Variants in PDE4D observed in about 807,000 individuals in gnomAD.
PDE4D encodes the protein 3',5'-cyclic-AMP phosphodiesterase 4D.
PDE4D carries 24 observed loss-of-function variants against 87.4 expected under a neutral mutation model. That is an observed-to-expected ratio of 0.27 (90% CI 0.20 to 0.39). The LOEUF is 0.39. Ranked by LOEUF, PDE4D falls within the 10% of genes least tolerant of loss-of-function variation. The probability of loss-of-function intolerance (pLI) is 1.00; values close to 1 mark genes in which losing one functional copy is unlikely to be tolerated. For missense variants in PDE4D, 714 were observed against 1,041.0 expected, an observed-to-expected ratio of 0.69 and a Z score of 4.32; for synonymous variants, 384 against 383.2, an observed-to-expected ratio of 1.00 and a Z score of -0.02.
At chr5:59,620,845 A>G (rs1478493642) in intron 1 of PDE4D, among the ~76,000 whole-genome samples, 1 of 152,194 alleles carries the variant, frequency 6.6e-6, no homozygotes, top group African/African-American at 2.4e-5. Context: ...CAAAGTATTG[A>G]GATGAAGAGA....
At chr5:60,499,877 T>A (rs3857232) in intron 1 of PDE4D, among the ~76,000 whole-genome samples, 22,748 of 152,190 alleles carry the variant, frequency 0.15, 1,964 homozygotes, top group African/African-American at 0.23. Context: ...CTGTTAGCCC[T>A]CTTGGCTTCA....
intron 1 of PDE4D, among the ~76,000 whole-genome samples, chr5:59,685,975 A>T (rs527989845): frequency 6.6e-6 from 1 of 152,258 alleles, no homozygotes; most frequent in African/African-American, 2.4e-5. Flanking sequence ...CATTAGTGAC[A>T]TTCATCGCAG....
At chr5:60,307,826 C>A (rs16877886) in intron 1 of PDE4D, among the ~76,000 whole-genome samples, 9,182 of 152,106 alleles carry the variant, frequency 0.06, 916 homozygotes, top group African/African-American at 0.21. Context: ...TAGAGAGTGA[C>A]AGCCTATAGT....
chr5:59,763,807 A>C (rs1342355053), intron 1 of PDE4D, among the ~76,000 whole-genome samples: 1 of 152,200 alleles, frequency 6.6e-6, no homozygotes, highest in African/African-American at 2.4e-5. Flanking sequence ...AGATTAGTGA[A>C]AAGCAGAGAC....
At chr5:59,058,275 A>G (rs1055621174) in intron 5 of PDE4D, among the ~76,000 whole-genome samples, 1 of 152,150 alleles carries the variant, frequency 6.6e-6, no homozygotes, top group African/African-American at 2.4e-5. Flanking sequence ...TACAAACTTC[A>G]TGCTCTGAGA....
At chr5:60,099,017 T>C (rs1222428220) in intron 2 of PDE4D, among the ~76,000 whole-genome samples, 7 of 152,044 alleles carry the variant, frequency 4.6e-5, no homozygotes, top group Admixed American at 3.9e-4. Context: ...AGCTTTCTTT[T>C]CTCTGGGAAT....
At position 60,063,142 on chromosome 5, in the gene PDE4D, GA is replaced by G. The variant is rs1771651103; in HGVS notation, c.43-74426del. On this transcript the variant is annotated intron_variant, in intron 2 of 16. Coordinates refer to the PDE4D transcript ENST00000502484. Reference sequence around the variant, plus strand: ...AGAAAGAAAGAAAGAAAGAAAGAAAGAAAGAAAGAAAGAAGGAAAGAAAGAA... The same window carrying G: ...AGAAAGAAAGAAAGAAAGAAAGAAAGAAGAAAGAAAGAAGGAAAGAAAGAA... Among the ~76,000 whole-genome samples the G allele has an allele frequency of 1.4e-5, 2 of 145,294 alleles. 1 individual carries two copies. Among genetic ancestry groups the G allele is most frequent in the African/African-American group, 5.1e-5 (2 of 38,976 alleles).
intron 1 of PDE4D, among the ~76,000 whole-genome samples, chr5:59,841,538 C>T (rs552242172): frequency 8.5e-5 from 13 of 152,052 alleles, no homozygotes; most frequent in Non-Finnish European, 1.9e-4. Context: ...TAAATGCCTA[C>T]TGTGTTCCAG....
chr5:59,215,544 AATAC>A (rs1243500476), intron 2 of PDE4D: 6 of 414,594 alleles, frequency 1.4e-5, no homozygotes, highest in Non-Finnish European at 2.5e-5. Flanking sequence ...TGGGAAAATA[AATAC>A]ATGCGTGTGT....
chr5:60,509,025 G>A (rs903304374), intron 1 of PDE4D, among the ~76,000 whole-genome samples: 1 of 151,932 alleles, frequency 6.6e-6, no homozygotes. Context: ...TCAGCCTCCC[G>A]AGTAGCTAGG....
rs150970455 is a variant in PDE4D, at chr5:59,209,749, C to A, written c.647+6028G>T. Among the ~76,000 whole-genome samples the A allele has an allele frequency of 1.7e-3, 260 of 152,212 alleles. 2 individuals are homozygous for A. Among genetic ancestry groups the A allele is most frequent in the African/African-American group, 6.0e-3 (250 of 41,538 alleles). On this transcript the variant is annotated intron_variant, in intron 2 of 14. Coordinates refer to ENST00000340635, the MANE Select transcript of PDE4D (RefSeq NM_001104631.2). ...ATTGCCTCCCTTATTTTTTGTTGCA[C>A]ATTGATTTCTGCTCAGCACTTCATT...
chr5:59,712,126 G>A (rs1302694031), intron 1 of PDE4D, among the ~76,000 whole-genome samples: 4 of 151,566 alleles, frequency 2.6e-5, no homozygotes, highest in Non-Finnish European at 4.4e-5. Context: ...TTTTCTACTC[G>A]TTTTAGAGTA....
In PDE4D at chr5:59,038,803, G is replaced by A. The variant is rs543071225; in HGVS notation, c.921+56C>T. On this transcript the variant is annotated intron_variant, in intron 6 of 14. Transcript: ENST00000340635. ...CCGGGGCTATGGGTACCAGTGGCTC[G>A]CCGGCATGGGAATCAGCAGCCTGGG... 525 of 1,395,758 alleles carry A rather than the reference G, an allele frequency of 3.8e-4. 3 individuals carry two copies. In the African/African-American group the frequency reaches 6.7e-3, roughly 18 times the overall value. The allele number at this position is 1,395,758 out of a possible 1,614,324, so 86.5% of individuals were successfully genotyped here. A position where few individuals can be genotyped will look rare whatever the true frequency, so the allele number is the denominator to read the frequency against.
intron 1 of PDE4D, among the ~76,000 whole-genome samples, chr5:59,851,560 C>T (rs915288278): frequency 1.3e-5 from 2 of 151,906 alleles, no homozygotes; most frequent in Non-Finnish European, 2.9e-5. Flanking sequence ...GATACCACTC[C>T]TTTGATTCTG....
chr5:60,223,933 G>A (rs1744787722), intron 1 of PDE4D, among the ~76,000 whole-genome samples: 1 of 152,190 alleles, frequency 6.6e-6, no homozygotes, highest in East Asian at 1.9e-4. Context: ...CCAGTGAAAT[G>A]AAGGTTCCTC....
chr5:59,475,263 A>G (rs974219942), intron 1 of PDE4D, among the ~76,000 whole-genome samples: 5 of 152,092 alleles, frequency 3.3e-5, no homozygotes, highest in Non-Finnish European at 5.9e-5. Context: ...GCCAGTGGCT[A>G]AATTATGTGT....
At chr5:59,202,380 G>A (rs879482361) in intron 2 of PDE4D, among the ~76,000 whole-genome samples, 144 of 152,092 alleles carry the variant, frequency 9.5e-4, no homozygotes, top group Non-Finnish European at 1.8e-3. Flanking sequence ...ATTTTAAAGA[G>A]ATGTGGGGTC....
rs1279634985 is a variant in PDE4D at position 58,991,845 on chromosome 5, T to C, written c.1175A>G (p.Asp392Gly). 1.3e-6 allele frequency: 2 copies of C among 1,499,466 alleles called. No individual in the cohort carries two copies. The highest frequency in any genetic ancestry group is 2.8e-5 in the African/African-American group (2 of 70,214). The allele number at this position is 1,499,466 out of a possible 1,614,324, so 92.9% of individuals were successfully genotyped here. ...AAATCATCATACCTTGGCAAGGACA[T>C]CTTCTTGTTCAGTTTTAACTCCAAA... ...PRFGVKTEQE[D>G]VLAKELEDVN... Residue 392 changes from aspartate (D) to glycine (G), a missense_variant, in exon 8 of 15, where the codon GAT becomes GGT. Asp to Gly is a moderately conservative substitution (Grantham distance 94). Coordinates refer to ENST00000340635, the MANE Select transcript of PDE4D (RefSeq NM_001104631.2).
At chr5:60,060,814 T>C (rs1020116108) in intron 2 of PDE4D, among the ~76,000 whole-genome samples, 1 of 151,934 alleles carries the variant, frequency 6.6e-6, no homozygotes, top group Non-Finnish European at 1.5e-5. Flanking sequence ...CAGAACACCA[T>C]GTAATCTTAG....
Sources: allele counts gnomAD v4.1 joint callset (sites outside exome capture counted in the v4.1 genomes callset), GRCh38; gene constraint gnomAD v4.1.1; transcripts MANE v1.5; gene names NCBI Gene and HGNC (gene_info 2026-07-23, HGNC 2026-07-21).